Variants in HMOX2 observed in about 807,000 individuals in gnomAD.
HMOX2 encodes the protein heme oxygenase 2.
Under a neutral mutation model 33.7 loss-of-function variants are expected in HMOX2, and 30 were observed. That is an observed-to-expected ratio of 0.89 (90% CI 0.67 to 1.21). The LOEUF (loss-of-function observed/expected upper bound fraction) is 1.21, where lower values mean the gene tolerates loss of function less well. Ranked by LOEUF, HMOX2 falls within the 50% of genes most tolerant of loss-of-function variation. The pLI is 0.00. For synonymous variants in HMOX2, 155 were observed against 155.0 expected, an observed-to-expected ratio of 1.00 and a Z score of 0.00; for missense variants, 403 against 399.1, an observed-to-expected ratio of 1.01 and a Z score of -0.08.
chr16:4,486,377 A>T (rs1228124005), intron 1 of HMOX2, among the ~76,000 whole-genome samples: 1 of 152,206 alleles, frequency 6.6e-6, no homozygotes, highest in Non-Finnish European at 1.5e-5. Context: ...AGGACTGCTG[A>T]GGCCACAGCA....
Position 4,476,422 on chromosome 16 carries a change from C to A in HMOX2, c.-107C>A, listed in dbSNP as rs932665973. 6.6e-6 allele frequency: 1 copy of A among 152,284 alleles called. No individual in the cohort carries two copies. The highest frequency in any genetic ancestry group is 1.5e-5 in the Non-Finnish European group (1 of 68,064). The allele number at this position is 152,284 out of a possible 1,614,324, so 9.4% of individuals were successfully genotyped here. ...CGCTGGGCTGCAGGGACTGCGGCGC[C>A]TGAGGGAGTCGCTGACGGGCACGCT... is the stretch of plus-strand genomic sequence containing the variant. On this transcript the variant is annotated 5_prime_UTR_variant, in exon 1 of 6. The change creates a new upstream start codon in the 5' untranslated region. Transcript: ENST00000570646.
At chr16:4,501,135 T>C (rs1226653677) in intron 1 of HMOX2, among the ~76,000 whole-genome samples, 2 of 152,144 alleles carry the variant, frequency 1.3e-5, no homozygotes, top group Non-Finnish European at 2.9e-5. Context: ...GTTTCTTTTT[T>C]CCCTTCCCTT....
intron 1 of HMOX2, among the ~76,000 whole-genome samples, chr16:4,487,956 A>C (rs1259689593): frequency 6.7e-6 from 1 of 149,808 alleles, no homozygotes; most frequent in Non-Finnish European, 1.5e-5. Context: ...TGTCTCAAAA[A>C]AAAAAAAAAA....
chr16:4,492,225 T>C (rs542189761), intron 1 of HMOX2, among the ~76,000 whole-genome samples: 1 of 151,858 alleles, frequency 6.6e-6, no homozygotes, highest in South Asian at 2.1e-4. Flanking sequence ...TCCTAGCTAC[T>C]TGGAAGGATG....
intron 1 of HMOX2, chr16:4,496,877 T>A (rs2058434883): frequency 6.7e-6 from 1 of 149,958 alleles, no homozygotes; most frequent in Non-Finnish European, 1.5e-5. Context: ...TTTTTTTTTG[T>A]AGAGACGGGG....
chr16:4,490,963 G>A (rs1031247567), intron 1 of HMOX2, among the ~76,000 whole-genome samples: 1 of 152,120 alleles, frequency 6.6e-6, no homozygotes, highest in Non-Finnish European at 1.5e-5. Flanking sequence ...TGCGCTATAG[G>A]ACATTGAGTA....
intron 1 of HMOX2, chr16:4,496,774 G>T (rs1483741342): frequency 6.6e-6 from 1 of 152,172 alleles, no homozygotes; most frequent in Admixed American, 6.5e-5. Context: ...AGGTCTGTCA[G>T]ACTTATAGTC....
chr16:4,508,155 AAG>A lies in HMOX2; in HGVS notation c.652_653del (p.Arg218AspfsTer10), dbSNP rs2058743506. On this transcript the variant is annotated frameshift_variant, in exon 4 of 6. Coordinates refer to ENST00000570646, the MANE Select transcript of HMOX2 (RefSeq NM_002134.4). LOFTEE classifies it high-confidence loss of function. ...GCCCTGGACCTGAACATGAAGACCA[AAG>A]AGAGGATCGTGGAGGAGGCCAACAA... 6.2e-7 allele frequency: 1 copy of A among 1,613,726 alleles called. No individual in the cohort carries two copies. Among genetic ancestry groups the A allele is most frequent in the Non-Finnish European group, 8.5e-7 (1 of 1,179,834 alleles).
At chr16:4,491,469 G>A (rs1053374453) in intron 1 of HMOX2, among the ~76,000 whole-genome samples, 2 of 151,962 alleles carry the variant, frequency 1.3e-5, no homozygotes, top group Admixed American at 6.6e-5. Flanking sequence ...GGGCAACATG[G>A]TGAAACCCCA....
At chr16:4,491,371 C>T (rs113374275) in intron 1 of HMOX2, among the ~76,000 whole-genome samples, 92 of 152,154 alleles carry the variant, frequency 6.0e-4, no homozygotes, top group African/African-American at 2.1e-3. Context: ...TTTGCTAGGC[C>T]GGGCACTATG....
At chr16:4,477,959 T>C (rs2057914877) in intron 1 of HMOX2, among the ~76,000 whole-genome samples, 1 of 152,128 alleles carries the variant, frequency 6.6e-6, no homozygotes, top group South Asian at 2.1e-4. Context: ...ACAAAATTTG[T>C]GCTTATCAGG....
chr16:4,493,995 G>T (rs2058360161), intron 1 of HMOX2, among the ~76,000 whole-genome samples: 1 of 152,128 alleles, frequency 6.6e-6, no homozygotes, highest in Non-Finnish European at 1.5e-5. Flanking sequence ...TGTGTCTGGG[G>T]AGTTACATAC....
intron 1 of HMOX2, among the ~76,000 whole-genome samples, chr16:4,504,682 C>CTTTT (rs56922429): frequency 1.5e-5 from 1 of 65,840 alleles, no homozygotes; most frequent in Non-Finnish European, 2.7e-5. Context: ...TTGATACGGT[C>CTTTT]TTTTTTTTTT....
intron 1 of HMOX2, among the ~76,000 whole-genome samples, chr16:4,492,596 G>A (rs2058330694): frequency 6.6e-6 from 1 of 152,066 alleles, no homozygotes; most frequent in Non-Finnish European, 1.5e-5. Context: ...GCACGTGCCT[G>A]TAATCCCTAC....
rs71139635 is a variant in HMOX2 at position 4,487,951 on chromosome 16, C to CAA, written c.-42+11484_-42+11485dup. ...TGGCAACAAGAGCGAAACTCTGTCTCAAAAAAAAAAAAAAAAAAAAATGTA... is the reference window on the plus strand; with the variant it reads ...TGGCAACAAGAGCGAAACTCTGTCTCAAAAAAAAAAAAAAAAAAAAAAATGTA... On this transcript the variant is annotated intron_variant, in intron 1 of 5. Transcript: ENST00000570646. Among the ~76,000 whole-genome samples the CAA allele has an allele frequency of 2.0e-3, 143 of 70,642 alleles. 3 individuals are homozygous for CAA. Among genetic ancestry groups the CAA allele is most frequent in the African/African-American group, 5.6e-3 (127 of 22,768 alleles). 46.3% of individuals were successfully genotyped at this position (70,642 alleles called of 152,430 possible). A position where few individuals can be genotyped will look rare whatever the true frequency, so the allele number is the denominator to read the frequency against.
intron 1 of HMOX2, among the ~76,000 whole-genome samples, chr16:4,499,247 C>G (rs1223543690): frequency 6.6e-6 from 1 of 152,176 alleles, no homozygotes; most frequent in Non-Finnish European, 1.5e-5. Flanking sequence ...CGTGTTAGCC[C>G]ACTTAGTCTT....
intron 4 of HMOX2, among the ~76,000 whole-genome samples, chr16:4,508,681 C>T (rs2141613800): frequency 6.6e-6 from 1 of 152,254 alleles, no homozygotes; most frequent in East Asian, 1.9e-4. Flanking sequence ...TCCACTGAGG[C>T]CTCCCAGGGC....
chr16:4,480,254 G>T (rs1402400600), intron 1 of HMOX2, among the ~76,000 whole-genome samples: 1 of 151,544 alleles, frequency 6.6e-6, no homozygotes, highest in East Asian at 1.9e-4. Context: ...CGCCATGTTG[G>T]CCACGCTGGT....
intron 1 of HMOX2, among the ~76,000 whole-genome samples, chr16:4,491,513 A>AT (rs1014852440): frequency 1.3e-5 from 2 of 151,910 alleles, no homozygotes; most frequent in African/African-American, 4.8e-5. Context: ...TTAGCTGGGC[A>AT]TGGTGTTGCA....
Sources: gnomAD v4.1 joint callset for allele counts (sites outside exome capture counted in the v4.1 genomes callset) on GRCh38, gnomAD v4.1.1 for gene constraint, MANE v1.5 for transcripts, NCBI Gene and HGNC (gene_info 2026-07-23, HGNC 2026-07-21) for gene names.